Variants in TDRD9 observed in about 807,000 individuals in gnomAD.
The protein encoded by TDRD9 is tudor domain containing 9.
TDRD9 carries 124 observed loss-of-function variants against 172.6 expected under a neutral mutation model. That is an observed-to-expected ratio of 0.72 (90% CI 0.62 to 0.83). The LOEUF (loss-of-function observed/expected upper bound fraction) is 0.83. TDRD9 is among the 40% of genes least tolerant of loss of function. The pLI is 0.00. For missense variants in TDRD9, 1,479 were observed against 1,714.1 expected (o/e 0.86, Z 2.42); for synonymous variants, 619 against 617.1 (o/e 1.00, Z -0.05).
intron 1 of TDRD9, among the ~76,000 whole-genome samples, chr14:103,943,141 T>C (rs558065090): frequency 1.4e-4 from 20 of 147,022 alleles, no homozygotes; most frequent in Middle Eastern, 3.4e-3. Context: ...TCTTTCTTTC[T>C]TTTTTTTGAG....
chr14:104,032,559 G>GTC (rs923373648), intron 30 of TDRD9, among the ~76,000 whole-genome samples: 3 of 152,166 alleles, frequency 2.0e-5, no homozygotes, highest in African/African-American at 7.2e-5. Context: ...ATTTGAGGTA[G>GTC]TCTCTCTCTC....
At chr14:104,017,146 G>A (rs1478618010) in intron 22 of TDRD9, among the ~76,000 whole-genome samples, 1 of 151,982 alleles carries the variant, frequency 6.6e-6, no homozygotes, top group African/African-American at 2.4e-5. Context: ...GCCCCTTCGT[G>A]GTTTTCTTCC....
chr14:103,985,565 C>T (rs1484042328), intron 7 of TDRD9, among the ~76,000 whole-genome samples: 2 of 152,062 alleles, frequency 1.3e-5, no homozygotes, highest in Admixed American at 6.6e-5. Context: ...GGGGAGTTTG[C>T]CGCTTGTGGT....
At chr14:103,978,346 C>T (rs553297234) in intron 7 of TDRD9, among the ~76,000 whole-genome samples, 11 of 152,138 alleles carry the variant, frequency 7.2e-5, no homozygotes, top group African/African-American at 2.7e-4. Flanking sequence ...TTTGGGAGGC[C>T]AAGGTGGGCC....
At chr14:104,035,856 G>C (rs1461185628) in intron 32 of TDRD9, among the ~76,000 whole-genome samples, 1 of 152,108 alleles carries the variant, frequency 6.6e-6, no homozygotes, top group East Asian at 1.9e-4. Context: ...GGTGAGCATG[G>C]AGGGGTGGTC....
intron 32 of TDRD9, among the ~76,000 whole-genome samples, chr14:104,035,854 T>G (rs1566799566): frequency 1.3e-5 from 2 of 151,640 alleles, no homozygotes; most frequent in African/African-American, 4.8e-5. Context: ...CTGGTGAGCA[T>G]GGAGGGGTGG....
chr14:103,941,848 G>T, intron 1 of TDRD9: 1 of 616,128 alleles, frequency 1.6e-6, no homozygotes, highest in Non-Finnish European at 2.8e-6. Context: ...TTAGAACATG[G>T]ATTAACGTCT....
rs199950429 is a variant in TDRD9, at chr14:103,963,910, CG to C, written c.420+738del. Among the ~76,000 whole-genome samples the C allele has an allele frequency of 5.1e-3, 769 of 152,152 alleles. 8 individuals carry two copies. The highest frequency in any genetic ancestry group is 0.018 in the African/African-American group (741 of 41,512). On this transcript the variant is annotated intron_variant, in intron 3 of 35. Coordinates refer to ENST00000409874, the MANE Select transcript of TDRD9 (RefSeq NM_153046.3). ...GCTTAAATAAGTTTAGAGTGGAGGT[CG>C]GGGAGTTCTGGAGGAGGAATTTGAG...
chr14:104,041,974 G>A (rs1452391416), intron 33 of TDRD9, 95 bp from the exon 34 acceptor site: 3 of 857,312 alleles, frequency 3.5e-6, no homozygotes, highest in Admixed American at 2.0e-5. Flanking sequence ...ACTGATGACA[G>A]AGAATACTAA....
chr14:103,953,751 T>C (rs2032062451), intron 1 of TDRD9, among the ~76,000 whole-genome samples: 1 of 152,128 alleles, frequency 6.6e-6, no homozygotes, highest in South Asian at 2.1e-4. Flanking sequence ...TCAGGAACTC[T>C]AGTGTCCCAG....
chr14:103,976,976 C>T (rs1426408399), intron 7 of TDRD9, among the ~76,000 whole-genome samples: 1 of 152,174 alleles, frequency 6.6e-6, no homozygotes, highest in East Asian at 1.9e-4. Flanking sequence ...CCTGCCTCAG[C>T]CTCCCAAAGT....
intron 1 of TDRD9, among the ~76,000 whole-genome samples, chr14:103,947,412 C>T (rs1377576608): frequency 6.6e-6 from 1 of 152,016 alleles, no homozygotes; most frequent in Non-Finnish European, 1.5e-5. Context: ...ACTGCAAGCT[C>T]TGTCCCCCAG....
rs73354485 is a variant in TDRD9, at chr14:103,995,948, C to T, written c.1378+141C>T. 3,279 of 736,024 alleles carry T rather than the reference C, an allele frequency of 4.5e-3. 92 individuals are homozygous for T. In the African/African-American group the frequency reaches 0.052, roughly 12 times the overall value. 45.6% of individuals were successfully genotyped at this position (736,024 alleles called of 1,614,324 possible). The stretch of plus-strand genomic sequence containing the variant: ...CACAGAATTGAGAAAAGTAGGTTTA[C>T]GTAGTTTCTCCCATACTCTCAGTTC... On this transcript the variant is annotated intron_variant, in intron 12 of 35. Coordinates refer to ENST00000409874, the MANE Select transcript of TDRD9 (RefSeq NM_153046.3).
intron 1 of TDRD9, chr14:103,940,846 T>C (rs776279179): frequency 1.5e-5 from 23 of 1,535,270 alleles, no homozygotes; most frequent in Non-Finnish European, 5.2e-6. Context: ...CCATATTCTG[T>C]GTGAGAACAC....
intron 35 of TDRD9, among the ~76,000 whole-genome samples, chr14:104,050,728 A>G (rs1312132200): frequency 2.6e-5 from 4 of 152,194 alleles, no homozygotes; most frequent in African/African-American, 4.8e-5. Context: ...GCAGAGCTCC[A>G]TGGGCAAGGA....
At chr14:103,974,840 A>G (rs1241397411) in intron 6 of TDRD9, among the ~76,000 whole-genome samples, 3 of 151,894 alleles carry the variant, frequency 2.0e-5, no homozygotes, top group South Asian at 2.1e-4. Context: ...GGGTCTTGCT[A>G]TGTTGCCCAG....
At chr14:103,934,634 C>T (rs545889341) in intron 1 of TDRD9, among the ~76,000 whole-genome samples, 7 of 152,232 alleles carry the variant, frequency 4.6e-5, no homozygotes, top group Admixed American at 1.3e-4. Flanking sequence ...AAAAATTAGC[C>T]GGGCGTGGTG....
At chr14:104,025,821 CAG>C (rs1412712333) in intron 26 of TDRD9, 45 bp downstream of exon 26, 2 of 1,424,878 alleles carry the variant, frequency 1.4e-6, no homozygotes, top group Non-Finnish European at 2.0e-6. Flanking sequence ...ATGAGACAGA[CAG>C]ACGTACAGCA....
Position 103,966,822 on chromosome 14 carries a change from CATT to C in TDRD9, c.757_759del (p.Ile253del), listed in dbSNP as rs768082138. The C allele has an allele frequency of 6.5e-7, 1 of 1,549,378 alleles. No homozygotes were observed. The highest frequency in any genetic ancestry group is 8.7e-7 in the Non-Finnish European group (1 of 1,146,050). On this transcript the variant is annotated inframe_deletion, in exon 5 of 36. Transcript: ENST00000409874. ...GTTTGATGGAATTCACACATATCAT[CATT>C]GATGAAGTAAGTGATGTCATCTACT...
Sources: gnomAD v4.1 joint callset for allele counts (sites outside exome capture counted in the v4.1 genomes callset) on GRCh38, gnomAD v4.1.1 for gene constraint, MANE v1.5 for transcripts, NCBI Gene and HGNC (gene_info 2026-07-23, HGNC 2026-07-21) for gene names.